Variants in MEIG1 observed in about 807,000 individuals in gnomAD.
MEIG1 encodes meiosis/spermiogenesis associated 1, also known as meiosis expressed gene 1 protein homolog.
A neutral mutation model predicts 11.3 loss-of-function variants in MEIG1; 12 were observed. The ratio of observed to expected loss-of-function variants is 1.07; its 90% CI spans 0.68 to 1.73. The LOEUF is 1.73. MEIG1 is among the 40% of genes most tolerant of loss of function. MEIG1 has a pLI of 0.00. For synonymous variants in MEIG1, 41 were observed against 33.2 expected (o/e 1.24, Z -0.81); for missense variants, 119 against 104.9 (o/e 1.13, Z -0.59).
intron 1 of MEIG1, among the ~76,000 whole-genome samples, chr10:14,983,567 A>G (rs554228272): frequency 6.6e-6 from 1 of 152,034 alleles, no homozygotes; most frequent in Admixed American, 6.6e-5. Flanking sequence ...TATTGTTCTT[A>G]ATATTCAAAG....
downstream of MEIG1, among the ~76,000 whole-genome samples, chr10:14,975,176 T>C (rs535157260): frequency 3.8e-3 from 572 of 152,230 alleles, 1 homozygote; most frequent in African/African-American, 0.014. Context: ...ACTCCCGGTA[T>C]CACAGGAAAT....
In MEIG1 at chr10:14,972,498, G is replaced by T. The variant is rs1386956651; in HGVS notation, c.139-15G>T. 1.9e-6 allele frequency: 3 copies of T among 1,613,714 alleles called. No homozygotes were observed. The highest frequency in any genetic ancestry group is 1.7e-6 in the Non-Finnish European group (2 of 1,179,882). ...CCTCCATTGTAACGTTTGTACTCTG[G>T]TTCTTGATGTGCAGGTAGATCGTTG... On this transcript the variant is annotated splice_polypyrimidine_tract_variant and intron_variant, in intron 2 of 2. Transcript: ENST00000407572.
chr10:14,965,458 C>G (rs1408276351), intron 1 of MEIG1, among the ~76,000 whole-genome samples: 3 of 152,154 alleles, frequency 2.0e-5, no homozygotes, highest in Admixed American at 6.5e-5. Flanking sequence ...AATCCATGGT[C>G]TCAGTACCAC....
intron 1 of MEIG1, among the ~76,000 whole-genome samples, chr10:14,985,653 T>A (rs1326061788): frequency 6.6e-6 from 1 of 151,926 alleles, no homozygotes; most frequent in Non-Finnish European, 1.5e-5. Context: ...TAGGAGGATG[T>A]TTGTTTGAAT....
downstream of MEIG1, among the ~76,000 whole-genome samples, chr10:14,976,812 C>A (rs1336430982): frequency 2.0e-5 from 3 of 152,020 alleles, no homozygotes; most frequent in African/African-American, 4.8e-5. Context: ...GAAAACGTTA[C>A]TGCTAATGTC....
chr10:14,969,454 AAAAAAAGAAAAAAGG>A (rs1483025583), intron 2 of MEIG1, among the ~76,000 whole-genome samples: 2 of 151,526 alleles, frequency 1.3e-5, no homozygotes, highest in Non-Finnish European at 2.9e-5. Flanking sequence ...TCTCAAAAAA[AAAAAAAGAAAAAAGG>A]AAAAAAGAAA....
At chr10:14,978,710 A>G (rs964048871) in intron 1 of MEIG1, among the ~76,000 whole-genome samples, 1 of 151,976 alleles carries the variant, frequency 6.6e-6, no homozygotes, top group African/African-American at 2.4e-5. Context: ...ATTAGCCGTG[A>G]TATCCTAAAA....
At chr10:14,984,007 G>T (rs1037271061) in intron 1 of MEIG1, among the ~76,000 whole-genome samples, 1 of 152,084 alleles carries the variant, frequency 6.6e-6, no homozygotes, top group Non-Finnish European at 1.5e-5. Flanking sequence ...ACACTCCCGA[G>T]ATATTGTTCT....
upstream of MEIG1, among the ~76,000 whole-genome samples, chr10:14,955,737 G>C (rs1325113961): frequency 6.6e-6 from 1 of 152,174 alleles, no homozygotes; most frequent in Non-Finnish European, 1.5e-5. Flanking sequence ...CCTAGTGAAT[G>C]TCAGCTTGTG....
intron 2 of MEIG1, among the ~76,000 whole-genome samples, chr10:14,968,079 T>C: frequency 6.6e-6 from 1 of 152,242 alleles, no homozygotes; most frequent in East Asian, 1.9e-4. Flanking sequence ...TGTTTATTTT[T>C]ATTTTTTACT....
downstream of MEIG1, among the ~76,000 whole-genome samples, chr10:14,973,981 T>G (rs1033960132): frequency 1.3e-5 from 2 of 152,104 alleles, no homozygotes; most frequent in African/African-American, 4.8e-5. Flanking sequence ...GCTATCGGGA[T>G]CAAAGGGAGT....
At chr10:14,987,352 G>C in intron 2 of MEIG1, 2 of 794,744 alleles carry the variant, frequency 2.5e-6, no homozygotes, top group Non-Finnish European at 4.5e-6. Flanking sequence ...ACAGGGACAG[G>C]GACAGCAAAG....
At chr10:14,984,212 A>C (rs532548013) in intron 1 of MEIG1, among the ~76,000 whole-genome samples, 6 of 144,954 alleles carry the variant, frequency 4.1e-5, no homozygotes, top group East Asian at 2.1e-4. Context: ...TCGTGGGGGG[A>C]GCCCACCCCC....
At chr10:14,973,359 G>A (rs772275638), downstream of MEIG1, among the ~76,000 whole-genome samples, 1 of 152,176 alleles carries the variant, frequency 6.6e-6, no homozygotes, top group Non-Finnish European at 1.5e-5. Flanking sequence ...GTGGCCCAAG[G>A]TCTTTCTCTT....
chr10:14,972,068 G>T (rs1242999049), intron 2 of MEIG1, among the ~76,000 whole-genome samples: 1 of 151,280 alleles, frequency 6.6e-6, no homozygotes, highest in East Asian at 1.9e-4. Context: ...AGGCTGGAGT[G>T]CAGTGGCGCC....
chr10:14,977,618 A>G (rs570029034), downstream of MEIG1, among the ~76,000 whole-genome samples: 145 of 151,828 alleles, frequency 9.6e-4, no homozygotes, highest in African/African-American at 3.3e-3. Flanking sequence ...TATTATTTGT[A>G]ATTTCTTCAA....
intron 1 of MEIG1, among the ~76,000 whole-genome samples, chr10:14,986,178 A>G (rs879604215): frequency 6.6e-6 from 1 of 152,180 alleles, no homozygotes; most frequent in Non-Finnish European, 1.5e-5. Context: ...ATACAACATT[A>G]GCTGGGCGTG....
upstream of MEIG1, among the ~76,000 whole-genome samples, chr10:14,955,537 C>A (rs1384820265): frequency 6.6e-6 from 1 of 152,072 alleles, no homozygotes; most frequent in Non-Finnish European, 1.5e-5. Flanking sequence ...AACCCCATCT[C>A]TACTAAAAAT....
upstream of MEIG1, among the ~76,000 whole-genome samples, chr10:14,959,201 C>T (rs1842981477): frequency 6.6e-6 from 1 of 152,190 alleles, no homozygotes; most frequent in Non-Finnish European, 1.5e-5. Flanking sequence ...CCTTTTTCGC[C>T]CTCCATCTCT....
Sources: gnomAD v4.1 joint callset for allele counts (sites outside exome capture counted in the v4.1 genomes callset) on GRCh38, gnomAD v4.1.1 for gene constraint, MANE v1.5 for transcripts, NCBI Gene and HGNC (gene_info 2026-07-23, HGNC 2026-07-21) for gene names.